Variants in PHF20 observed in about 807,000 individuals in gnomAD.
PHF20 encodes the protein glioma-expressed antigen 2.
In PHF20, 23 loss-of-function variants were observed where a neutral mutation model predicts 113.5. The observed-to-expected ratio is 0.20, with a 90% CI of 0.15 to 0.29. PHF20 has a LOEUF of 0.29. PHF20 is among the 10% of genes least tolerant of loss of function. The pLI is 1.00. For synonymous variants in PHF20, 434 were observed against 457.3 expected (o/e 0.95, Z 0.65); for missense variants, 943 against 1,219.6 (o/e 0.77, Z 3.38).
intron 3 of PHF20, among the ~76,000 whole-genome samples, chr20:35,843,817 A>T (rs975292359): frequency 5.3e-5 from 8 of 151,904 alleles, no homozygotes; most frequent in African/African-American, 1.9e-4. Context: ...GGCTCAAGTG[A>T]TCCTCCCGCC....
rs558740620 is a variant in PHF20 at position 35,786,489 on chromosome 20, G to A, written c.-33+14410G>A. Among the ~76,000 whole-genome samples the A allele has an allele frequency of 3.0e-4, 46 of 152,222 alleles. No homozygotes were observed. The South Asian group carries it at 9.6e-3, about 32-fold the overall frequency. ...GAGGCCGAGGCGGGTGGATCACAAG[G>A]CCAGGAGATCGAGACTATGCTGGCC... On this transcript the variant is annotated intron_variant, in intron 1 of 17. Coordinates refer to ENST00000374012, the MANE Select transcript of PHF20 (RefSeq NM_016436.5).
chr20:35,872,072 ATTGT>A (rs758026011), intron 9 of PHF20, among the ~76,000 whole-genome samples: 1 of 150,860 alleles, frequency 6.6e-6, no homozygotes, highest in Admixed American at 6.6e-5. Context: ...AATTTTCTCT[ATTGT>A]TTATTTTTAA....
chr20:35,827,769 C>T (rs1202131371), intron 2 of PHF20, among the ~76,000 whole-genome samples: 5 of 136,006 alleles, frequency 3.7e-5, no homozygotes, highest in Admixed American at 8.0e-5. Flanking sequence ...GGCAACAGAG[C>T]GAGACTCCAT....
At chr20:35,828,944 C>A (rs901218607) in intron 2 of PHF20, among the ~76,000 whole-genome samples, 1 of 152,156 alleles carries the variant, frequency 6.6e-6, no homozygotes, top group African/African-American at 2.4e-5. Context: ...ATTTATTATT[C>A]TCTAGGTGTC....
At chr20:35,938,567 C>T (rs1462194468) in intron 15 of PHF20, 130 bp from the exon 16 acceptor site, 1 of 851,422 alleles carries the variant, frequency 1.2e-6, no homozygotes, top group African/African-American at 1.7e-5. Context: ...TCTTGTTTAG[C>T]AAATGGTAGT....
At chr20:35,825,803 A>G (rs2042250226) in intron 2 of PHF20, among the ~76,000 whole-genome samples, 1 of 152,032 alleles carries the variant, frequency 6.6e-6, no homozygotes, top group South Asian at 2.1e-4. Flanking sequence ...ATAGGCATGC[A>G]CTATAGCACC....
chr20:35,811,901 G>C (rs2041984822), intron 2 of PHF20, among the ~76,000 whole-genome samples: 1 of 151,982 alleles, frequency 6.6e-6, no homozygotes, highest in South Asian at 2.1e-4. Flanking sequence ...CTCCCGAGTA[G>C]CTGGGACTAC....
intron 9 of PHF20, among the ~76,000 whole-genome samples, chr20:35,896,382 T>A (rs919280034): frequency 1.3e-5 from 2 of 151,974 alleles, no homozygotes; most frequent in Non-Finnish European, 2.9e-5. Flanking sequence ...CCTAATTTTT[T>A]AAAAAAAGAT....
chr20:35,938,822 A>G lies in PHF20; in HGVS notation c.2426A>G (p.Tyr809Cys), dbSNP rs770744773. Residue 809 changes from tyrosine (Y) to cysteine (C), a missense_variant, in exon 16 of 18, where the codon TAT (tyrosine) becomes TGT (cysteine). By Grantham distance (194) the Tyr-to-Cys change is radical. Coordinates refer to ENST00000374012, the MANE Select transcript of PHF20 (RefSeq NM_016436.5). Reference sequence around the variant, plus strand: ...AGGAGCAAGGAGGAAGCTCCAAGCTATAGAACTTTGAACGGGGCAGTGGAG... The same window carrying G: ...AGGAGCAAGGAGGAAGCTCCAAGCTGTAGAACTTTGAACGGGGCAGTGGAG... ...DTRSKEEAPSYRTLNGAVEKP... is the reference protein window; with the variant it reads ...DTRSKEEAPSCRTLNGAVEKP... The G allele has an allele frequency of 2.5e-6, 4 of 1,614,204 alleles. No individual in the cohort carries two copies. The highest frequency in any genetic ancestry group is 1.7e-6 in the Non-Finnish European group (2 of 1,180,028).
At position 35,871,698 on chromosome 20, in the gene PHF20, C is replaced by T. The variant is rs940529768; in HGVS notation, c.1151C>T (p.Thr384Ile). The T allele has an allele frequency of 3.1e-6, 5 of 1,613,748 alleles. No individual in the cohort carries two copies. The change falls in exon 9 of 18, where the codon ACT becomes ATT. Residue 384 changes from threonine to isoleucine, a missense_variant. This residue lies in a region of PHF20 where 592 missense variants were observed against 787.2 expected (regional missense o/e 0.75). Coordinates refer to ENST00000374012, the MANE Select transcript of PHF20 (RefSeq NM_016436.5). ...GCTGGCCAGGTCTCATCTGCACTGA[C>T]TTGCCACTCCTTTGGGGATGGATCC... ...LEAGQVSSAL[T>I]CHSFGDGSGA...
intron 10 of PHF20, among the ~76,000 whole-genome samples, chr20:35,902,994 T>A (rs1290138290): frequency 6.6e-6 from 1 of 151,374 alleles, no homozygotes; most frequent in Non-Finnish European, 1.5e-5. Flanking sequence ...TTAAGAAGCC[T>A]GAGTGACTGA....
intron 13 of PHF20, among the ~76,000 whole-genome samples, chr20:35,924,264 G>A (rs964439982): frequency 4.8e-5 from 7 of 144,638 alleles, no homozygotes; most frequent in African/African-American, 1.8e-4. Flanking sequence ...GTGTGATCTC[G>A]GCTCACTACA....
intron 6 of PHF20, among the ~76,000 whole-genome samples, chr20:35,866,256 C>T (rs960163594): frequency 6.6e-6 from 1 of 152,040 alleles, no homozygotes; most frequent in African/African-American, 2.4e-5. Flanking sequence ...ATGTGGCTTG[C>T]ACTCTTAGTA....
At chr20:35,812,204 T>C (rs1188033106) in intron 2 of PHF20, among the ~76,000 whole-genome samples, 1 of 152,248 alleles carries the variant, frequency 6.6e-6, no homozygotes, top group Non-Finnish European at 1.5e-5. Flanking sequence ...TTTTATAATA[T>C]CTAATATCCA....
chr20:35,850,668 G>C, intron 4 of PHF20: 1 of 242,740 alleles, frequency 4.1e-6, no homozygotes, highest in East Asian at 9.4e-5. Flanking sequence ...ACATCAGCTG[G>C]TATGATTACT....
chr20:35,791,449 CTATCTATCT>C (rs2041547065), intron 1 of PHF20, among the ~76,000 whole-genome samples: 2 of 17,862 alleles, frequency 1.1e-4, no homozygotes, highest in African/African-American at 3.2e-4. Flanking sequence ...TAGTATCTAT[CTATCTATCT>C]ATCTATCTAT....
At chr20:35,841,545 G>A (rs757971073) in intron 2 of PHF20, among the ~76,000 whole-genome samples, 6 of 152,094 alleles carry the variant, frequency 3.9e-5, no homozygotes, top group African/African-American at 1.4e-4. Flanking sequence ...GCTGAGGTGG[G>A]CGGATCATGA....
At chr20:35,776,163 G>A (rs1468284805) in intron 1 of PHF20, among the ~76,000 whole-genome samples, 1 of 152,176 alleles carries the variant, frequency 6.6e-6, no homozygotes, top group East Asian at 1.9e-4. Flanking sequence ...CATAATTATT[G>A]ATATAGAATC....
intron 2 of PHF20, among the ~76,000 whole-genome samples, chr20:35,803,760 A>G (rs2041829398): frequency 6.9e-6 from 1 of 144,066 alleles, no homozygotes; most frequent in South Asian, 2.1e-4. Flanking sequence ...ATGTATATAT[A>G]TTATATAAGT....
Sources: allele counts gnomAD v4.1 joint callset (sites outside exome capture counted in the v4.1 genomes callset), GRCh38; gene constraint gnomAD v4.1.1; regional missense constraint gnomAD v4.1.1; transcripts MANE v1.5; gene names NCBI Gene and HGNC (gene_info 2026-07-23, HGNC 2026-07-21).